The following TMEM132D variants were observed in gnomAD, a reference collection of about 807,000 sequenced individuals.
TMEM132D encodes mature OL transmembrane protein.
A neutral mutation model predicts 62.3 loss-of-function variants in TMEM132D; 21 were observed. The ratio of observed to expected loss-of-function variants is 0.34; its 90% CI spans 0.24 to 0.49. The LOEUF is 0.49. TMEM132D is among the 20% of genes least tolerant of loss of function. TMEM132D has a pLI of 0.99. For synonymous variants in TMEM132D, 621 were observed against 575.6 expected (o/e 1.08, Z -1.13); for missense variants, 1,346 against 1,402.8 (o/e 0.96, Z 0.65).
rs1033893195 is a variant in TMEM132D, at chr12:129,073,592, G to A, written c.*283C>T. 3 of 328,916 alleles carry A rather than the reference G, an allele frequency of 9.1e-6. No homozygotes were observed. The highest frequency in any genetic ancestry group is 4.8e-5 in the East Asian group (1 of 20,630). 20.4% of individuals were successfully genotyped at this position (328,916 alleles called of 1,614,324 possible). A position where few individuals can be genotyped will look rare whatever the true frequency, so the allele number is the denominator to read the frequency against. On this transcript the variant is annotated 3_prime_UTR_variant, in exon 9 of 9. Coordinates refer to ENST00000422113, the MANE Select transcript of TMEM132D (RefSeq NM_133448.3). ...AGAGAGAGGCTGTTCTTTCCTGGAC[G>A]CTCTCAGACGCTCAGTGATTCAGAA...
At chr12:129,863,894 C>A (rs1460648786) in intron 1 of TMEM132D, among the ~76,000 whole-genome samples, 1 of 152,074 alleles carries the variant, frequency 6.6e-6, no homozygotes, top group Admixed American at 6.6e-5. Flanking sequence ...AGAGTTTATC[C>A]CTCTAACAGC....
intron 3 of TMEM132D, among the ~76,000 whole-genome samples, chr12:129,502,135 G>A (rs1875166491): frequency 6.6e-6 from 1 of 152,092 alleles, no homozygotes; most frequent in Non-Finnish European, 1.5e-5. Flanking sequence ...GAGTAGCTGG[G>A]ATTACAGGCG....
intron 2 of TMEM132D, among the ~76,000 whole-genome samples, chr12:129,628,792 G>A (rs1216061950): frequency 2.0e-5 from 3 of 151,998 alleles, no homozygotes; most frequent in Non-Finnish European, 2.9e-5. Flanking sequence ...CATACCTGCT[G>A]CTTTTAGAAT....
At chr12:129,731,068 T>C (rs1226948881) in intron 1 of TMEM132D, among the ~76,000 whole-genome samples, 1 of 152,128 alleles carries the variant, frequency 6.6e-6, no homozygotes, top group Non-Finnish European at 1.5e-5. Context: ...GAACCCTGAT[T>C]AATACACCAG....
chr12:129,073,927 C>T lies in TMEM132D; in HGVS notation c.3248G>A (p.Gly1083Glu), dbSNP rs1307159616. ...IKWVCQDLDP[G>E]DCKELHNYME... is the part of the protein sequence containing the mutation. Reference sequence around the variant, plus strand: ...GTAGTTGTGCAGCTCTTTGCAGTCCCCAGGGTCCAGATCCTGGCAGACCCA... The same window carrying T: ...GTAGTTGTGCAGCTCTTTGCAGTCCTCAGGGTCCAGATCCTGGCAGACCCA... Residue 1083 changes from glycine to glutamate, a missense_variant, in exon 9 of 9, where the codon GGG becomes GAG. Physicochemically the swap from Gly to Glu is moderately conservative, Grantham distance 98. Transcript: ENST00000422113. 6.3e-7 allele frequency: 1 copy of T among 1,590,706 alleles called. No individual in the cohort carries two copies.
chr12:129,316,005 C>T (rs1043978084), intron 4 of TMEM132D, among the ~76,000 whole-genome samples: 1 of 151,922 alleles, frequency 6.6e-6, no homozygotes, highest in East Asian at 1.9e-4. Context: ...TTCATTTCTT[C>T]GTGAAGTTAT....
At chr12:129,474,065 T>C (rs1301584127) in intron 3 of TMEM132D, among the ~76,000 whole-genome samples, 1 of 152,214 alleles carries the variant, frequency 6.6e-6, no homozygotes, top group Admixed American at 6.5e-5. Context: ...GCCTTTCACC[T>C]GCTCCTTTCT....
intron 4 of TMEM132D, among the ~76,000 whole-genome samples, chr12:129,210,771 C>G (rs370062754): frequency 6.6e-6 from 1 of 152,196 alleles, no homozygotes; most frequent in Non-Finnish European, 1.5e-5. Flanking sequence ...TAGGACTCAA[C>G]AGGGAAAGGA....
intron 2 of TMEM132D, among the ~76,000 whole-genome samples, chr12:129,556,143 GTTGC>G (rs1248584604): frequency 3.3e-5 from 5 of 152,164 alleles, no homozygotes; most frequent in Admixed American, 6.5e-5. Flanking sequence ...GAGTATCAAG[GTTGC>G]TTAAGTCAGT....
chr12:129,336,666 C>A (rs1344365702), intron 4 of TMEM132D, among the ~76,000 whole-genome samples: 1 of 152,082 alleles, frequency 6.6e-6, no homozygotes, highest in African/African-American at 2.4e-5. Flanking sequence ...AGAGAGAGGG[C>A]TCTTGTGGGA....
intron 1 of TMEM132D, among the ~76,000 whole-genome samples, chr12:129,762,882 C>G (rs1465580058): frequency 6.6e-6 from 1 of 152,176 alleles, no homozygotes; most frequent in African/African-American, 2.4e-5. Flanking sequence ...TGGAAAGCAG[C>G]TATTGAACTC....
At chr12:129,517,113 A>G (rs762694222) in intron 3 of TMEM132D, among the ~76,000 whole-genome samples, 1 of 152,122 alleles carries the variant, frequency 6.6e-6, no homozygotes, top group Non-Finnish European at 1.5e-5. Flanking sequence ...TTGACAAGCT[A>G]TAGATCCCGG....
chr12:129,717,648 T>C (rs537012596), intron 1 of TMEM132D, among the ~76,000 whole-genome samples: 4 of 150,384 alleles, frequency 2.7e-5, no homozygotes, highest in South Asian at 2.1e-4. Context: ...TGTGATTCAA[T>C]GTCTCCCTGG....
At chr12:129,118,424 T>C (rs1353854360) in intron 5 of TMEM132D, among the ~76,000 whole-genome samples, 2 of 152,200 alleles carry the variant, frequency 1.3e-5, no homozygotes, top group Non-Finnish European at 2.9e-5. Flanking sequence ...GCATCCCTCG[T>C]CAGCCCCAGC....
At chr12:129,834,013 G>T (rs1017413982) in intron 1 of TMEM132D, among the ~76,000 whole-genome samples, 1 of 152,184 alleles carries the variant, frequency 6.6e-6, no homozygotes, top group Non-Finnish European at 1.5e-5. Context: ...CACTGAGGGG[G>T]TGTCATCTCT....
chr12:129,686,474 C>A (rs760715176), intron 2 of TMEM132D, among the ~76,000 whole-genome samples: 6 of 152,128 alleles, frequency 3.9e-5, no homozygotes, highest in Non-Finnish European at 8.8e-5. Context: ...TTTCCTGAGG[C>A]CTCCCCAGTC....
chr12:129,450,649 A>G lies in TMEM132D; in HGVS notation c.1115+80410T>C, dbSNP rs1357609177. 5.3e-5 allele frequency among the ~76,000 whole-genome samples: 8 copies of G among 152,116 alleles called. No individual in the cohort carries two copies. The East Asian group carries it at 1.3e-3, about 26-fold the overall frequency. ...ATCAGCTGTGAAACCAGGATTTGCAAGTTCGTTGGCATCCCTGCAACAGGG... is the reference window on the plus strand; with the variant it reads ...ATCAGCTGTGAAACCAGGATTTGCAGGTTCGTTGGCATCCCTGCAACAGGG... On this transcript the variant is annotated intron_variant, in intron 3 of 8. Transcript: ENST00000422113.
rs11060240 is a variant in TMEM132D, at chr12:129,295,962, G to A, written c.1299+41672C>T. On this transcript the variant is annotated intron_variant, in intron 4 of 8. Transcript: ENST00000422113. ...TGGTTAATCCACAAATGTGGAACTC[G>A]AAAATACGAAGGGCCAACTATACTC... Among the ~76,000 whole-genome samples, 113 of 151,844 alleles carry A rather than the reference G, an allele frequency of 7.4e-4. 2 individuals are homozygous for A. In the East Asian group the frequency reaches 0.018, roughly 25 times the overall value.
intron 3 of TMEM132D, among the ~76,000 whole-genome samples, chr12:129,473,032 T>G (rs1198080032): frequency 6.6e-6 from 1 of 152,048 alleles, no homozygotes; most frequent in Non-Finnish European, 1.5e-5. Context: ...GCCCGGCTAA[T>G]TTTTGTATTT....
Sources: allele counts gnomAD v4.1 joint callset (sites outside exome capture counted in the v4.1 genomes callset), GRCh38; gene constraint gnomAD v4.1.1; transcripts MANE v1.5; gene names NCBI Gene and HGNC (gene_info 2026-07-23, HGNC 2026-07-21).